JAK1: variants seen among roughly 807,000 people sequenced by gnomAD.
JAK1 encodes tyrosine-protein kinase JAK1.
In JAK1, 16 loss-of-function variants were observed where a neutral mutation model predicts 136.6. The observed-to-expected ratio is 0.12, with a 90% CI of 0.08 to 0.18. JAK1 has a LOEUF of 0.18. Among genes scored for constraint, JAK1 ranks in the 10% least tolerant of loss-of-function variants. JAK1 has a pLI of 1.00. For synonymous variants in JAK1, 492 were observed against 519.5 expected, an observed-to-expected ratio of 0.95 and a Z score of 0.72; for missense variants, 859 against 1,450.1, an observed-to-expected ratio of 0.59 and a Z score of 6.62.
At position 65,061,630 on chromosome 1, in the gene JAK1, A is replaced by T. The variant is rs535327853; in HGVS notation, c.-181+5974T>A. Among the ~76,000 whole-genome samples, 12 of 152,274 alleles carry T rather than the reference A, an allele frequency of 7.9e-5. 1 individual carries two copies. In the South Asian group the frequency reaches 2.3e-3, roughly 29 times the overall value. The stretch of plus-strand genomic sequence containing the variant: ...AGTGTGATTTGTTTTCCAATTTGAA[A>T]ATTATCATCTAATTCAGTGATACTA... On this transcript the variant is annotated intron_variant, in intron 1 of 25. Coordinates refer to the JAK1 transcript ENST00000671954.
intron 2 of JAK1, among the ~76,000 whole-genome samples, chr1:65,010,836 T>C: frequency 6.6e-6 from 1 of 152,086 alleles, no homozygotes; most frequent in East Asian, 1.9e-4. Flanking sequence ...TAGCCAGCCG[T>C]GGTGGCATGC....
chr1:64,994,335 G>A (rs796710037), intron 2 of JAK1, among the ~76,000 whole-genome samples: 9 of 152,208 alleles, frequency 5.9e-5, no homozygotes, highest in African/African-American at 1.9e-4. Flanking sequence ...AGCCCCCAGC[G>A]CCTGATGCAG....
intron 2 of JAK1, chr1:64,987,482 G>A (rs1457541642): frequency 1.3e-5 from 2 of 152,200 alleles, no homozygotes; most frequent in Non-Finnish European, 2.9e-5. Flanking sequence ...CTCTAAGGCT[G>A]GATCTGAACA....
chr1:64,922,073 A>G (rs1207579508), intron 1 of JAK1, among the ~76,000 whole-genome samples: 1 of 151,948 alleles, frequency 6.6e-6, no homozygotes, highest in Non-Finnish European at 1.5e-5. Flanking sequence ...CAGGGCTTGC[A>G]GCAGTTCTTT....
At chr1:65,037,858 C>T (rs1647090478) in intron 2 of JAK1, among the ~76,000 whole-genome samples, 1 of 152,070 alleles carries the variant, frequency 6.6e-6, no homozygotes, top group Admixed American at 6.6e-5. Flanking sequence ...AGAGTGAGAC[C>T]TTGTTTCTGA....
intron 14 of JAK1, 140 bp downstream of exon 14, chr1:64,846,509 T>G: frequency 1.5e-6 from 1 of 646,118 alleles, no homozygotes; most frequent in Non-Finnish European, 2.8e-6. Context: ...AATGACCTGC[T>G]CAGTCCCTCA....
chr1:64,935,798 A>T (rs1422175248), intron 1 of JAK1, among the ~76,000 whole-genome samples: 1 of 152,222 alleles, frequency 6.6e-6, no homozygotes, highest in Non-Finnish European at 1.5e-5. Flanking sequence ...GAAAAGGGAA[A>T]GTCCCTGGAG....
At chr1:65,038,201 T>TTC (rs1422468445) in intron 2 of JAK1, among the ~76,000 whole-genome samples, 1 of 148,646 alleles carries the variant, frequency 6.7e-6, no homozygotes, top group Admixed American at 6.7e-5. Flanking sequence ...TTCTTTTCTT[T>TTC]TTTTTTTTTT....
At chr1:65,016,845 C>T (rs1323529894) in intron 2 of JAK1, among the ~76,000 whole-genome samples, 3 of 151,590 alleles carry the variant, frequency 2.0e-5, no homozygotes, top group African/African-American at 7.3e-5. Flanking sequence ...TTGCAGTGAG[C>T]CGAGATCGCG....
intron 2 of JAK1, among the ~76,000 whole-genome samples, chr1:64,983,671 A>G (rs1016725023): frequency 2.0e-5 from 3 of 152,222 alleles, no homozygotes; most frequent in Non-Finnish European, 1.5e-5. Flanking sequence ...TGTTTGGTCC[A>G]GTGAGAAGGA....
At chr1:64,867,974 C>G (rs1656810131) in intron 6 of JAK1, among the ~76,000 whole-genome samples, 4 of 151,742 alleles carry the variant, frequency 2.6e-5, no homozygotes, top group Non-Finnish European at 5.9e-5. Flanking sequence ...TGGGCAACAA[C>G]AGCAAAACTC....
chr1:64,974,754 G>C (rs985286174), intron 2 of JAK1: 1 of 152,268 alleles, frequency 6.6e-6, no homozygotes, highest in Non-Finnish European at 1.5e-5. Flanking sequence ...GATGGGGATA[G>C]AGAGTCAAAG....
At chr1:64,846,903 A>C in intron 13 of JAK1, 167 bp from the exon 14 acceptor site, 1 of 599,484 alleles carries the variant, frequency 1.7e-6, no homozygotes, top group Non-Finnish European at 3.0e-6. Flanking sequence ...GGCACTGCCA[A>C]GCCTTGTTCT....
chr1:64,937,167 C>T (rs915746174), intron 1 of JAK1, among the ~76,000 whole-genome samples: 6 of 152,072 alleles, frequency 3.9e-5, no homozygotes, highest in Non-Finnish European at 8.8e-5. Context: ...AAGCTGGCTC[C>T]CAGCTACCAC....
upstream of JAK1, among the ~76,000 whole-genome samples, chr1:64,970,436 C>T (rs544272162): frequency 1.3e-5 from 2 of 150,786 alleles, no homozygotes; most frequent in East Asian, 3.9e-4. Flanking sequence ...AGAAAAATTC[C>T]ATCTCAAAAA....
chr1:64,834,392 T>A lies in JAK1; in HGVS notation c.*170A>T. Reference sequence around the variant, plus strand: ...TTTAAAGAGGAAGTCCTTACACATATTAAGCACTACAGTGTGCCTTATACA... The same window carrying A: ...TTTAAAGAGGAAGTCCTTACACATAATAAGCACTACAGTGTGCCTTATACA... On this transcript the variant is annotated 3_prime_UTR_variant, in exon 25 of 25. Coordinates refer to ENST00000342505, the MANE Select transcript of JAK1 (RefSeq NM_002227.4). 2.0e-6 allele frequency: 1 copy of A among 510,956 alleles called. No homozygotes were observed. Among genetic ancestry groups the A allele is most frequent in the East Asian group, 3.0e-5 (1 of 33,778 alleles). 31.7% of individuals were successfully genotyped at this position (510,956 alleles called of 1,614,324 possible).
chr1:64,888,714 A>G (rs1644889193), intron 1 of JAK1, among the ~76,000 whole-genome samples: 2 of 152,332 alleles, frequency 1.3e-5, no homozygotes, highest in South Asian at 4.1e-4. Flanking sequence ...TAATCTTCAA[A>G]CTGACCTCCA....
intron 12 of JAK1, 75 bp downstream of exon 12, chr1:64,850,729 C>T (rs1655532519): frequency 1.1e-6 from 1 of 951,700 alleles, no homozygotes; most frequent in Non-Finnish European, 1.7e-6. Flanking sequence ...AGCCTTCCTT[C>T]CCCCAGATCC....
In JAK1 at chr1:65,026,832, C is replaced by T. The variant is rs147109202; in HGVS notation, c.-78+17648G>A. On this transcript the variant is annotated intron_variant, in intron 2 of 25. Coordinates refer to the JAK1 transcript ENST00000671954. ...AAATACAAAAATTAGCCAGGCATGG[C>T]GGAGTGCACCTCTGGAGCCAGAGGC... Among the ~76,000 whole-genome samples the T allele has an allele frequency of 3.1e-3, 477 of 151,708 alleles. 2 individuals carry two copies. Among genetic ancestry groups the T allele is most frequent in the African/African-American group, 0.011 (455 of 41,448 alleles).
Sources: allele counts gnomAD v4.1 joint callset (sites outside exome capture counted in the v4.1 genomes callset), GRCh38; gene constraint gnomAD v4.1.1; transcripts MANE v1.5; gene names NCBI Gene and HGNC (gene_info 2026-07-23, HGNC 2026-07-21).